HLCS: variants seen among roughly 807,000 people sequenced by gnomAD.
HLCS encodes holocarboxylase synthetase.
HLCS carries 53 observed loss-of-function variants against 75.0 expected under a neutral mutation model. The ratio of observed to expected loss-of-function variants is 0.71; its 90% CI spans 0.57 to 0.89. The LOEUF (loss-of-function observed/expected upper bound fraction) is 0.89, where lower values mean the gene tolerates loss of function less well. Among genes scored for constraint, HLCS ranks in the 40% least tolerant of loss-of-function variants. HLCS has a pLI of 0.00. For missense variants in HLCS, 966 were observed against 1,074.0 expected (o/e 0.90, Z 1.41); for synonymous variants, 431 against 428.6 (o/e 1.01, Z -0.07).
chr21:36,841,950 A>G (rs1174916053), intron 6 of HLCS, among the ~76,000 whole-genome samples: 5 of 152,222 alleles, frequency 3.3e-5, no homozygotes, highest in Non-Finnish European at 7.3e-5. Context: ...TGACATATGC[A>G]TACCTCACAA....
chr21:36,784,583 T>G lies in HLCS; in HGVS notation c.1893-17298A>C, dbSNP rs192371566. ...CACCCACCTCAGCTTCCGAAAGTGCTAGGATTACAGGCGTGAGCCACCATG... is the reference window on the plus strand; with the variant it reads ...CACCCACCTCAGCTTCCGAAAGTGCGAGGATTACAGGCGTGAGCCACCATG... On this transcript the variant is annotated intron_variant, in intron 6 of 10. Coordinates refer to ENST00000674895, the MANE Select transcript of HLCS (RefSeq NM_001352514.2). Among the ~76,000 whole-genome samples, 224 of 152,254 alleles carry G rather than the reference T, an allele frequency of 1.5e-3. 1 individual carries two copies. The highest frequency in any genetic ancestry group is 2.5e-3 in the Non-Finnish European group (168 of 68,024).
chr21:36,898,772 C>T (rs1247959658), intron 5 of HLCS, among the ~76,000 whole-genome samples: 2 of 152,020 alleles, frequency 1.3e-5, no homozygotes, highest in East Asian at 3.9e-4. Flanking sequence ...GACAAGGGTA[C>T]TGTGGGGGCC....
chr21:36,937,540 C>G, intron 3 of HLCS, 148 bp from the exon 4 acceptor site: 2 of 752,942 alleles, frequency 2.7e-6, no homozygotes, highest in African/African-American at 1.7e-5. Context: ...CTGCATCCCC[C>G]CTCAACTCGG....
At chr21:36,908,196 G>C (rs1229661630) in intron 5 of HLCS, among the ~76,000 whole-genome samples, 1 of 152,016 alleles carries the variant, frequency 6.6e-6, no homozygotes. Flanking sequence ...ACCAGCCTAA[G>C]CAACACAGTG....
At chr21:36,918,546 G>A (rs190347375) in intron 5 of HLCS, among the ~76,000 whole-genome samples, 1 of 152,260 alleles carries the variant, frequency 6.6e-6, no homozygotes, top group East Asian at 1.9e-4. Context: ...TGGGTCAAAG[G>A]CTAAACATCA....
chr21:36,802,055 A>T (rs2061220875), intron 6 of HLCS, among the ~76,000 whole-genome samples: 1 of 152,220 alleles, frequency 6.6e-6, no homozygotes, highest in South Asian at 2.1e-4. Flanking sequence ...ATACACTAAC[A>T]GTAGCAAATA....
chr21:36,964,157 G>A (rs1555972770), intron 1 of HLCS, among the ~76,000 whole-genome samples: 1 of 152,046 alleles, frequency 6.6e-6, no homozygotes, highest in Non-Finnish European at 1.5e-5. Flanking sequence ...CCTGGGAGGT[G>A]GAGATTGCAG....
intron 4 of HLCS, 143 bp from the exon 5 acceptor site, chr21:36,930,576 C>T: frequency 1.4e-6 from 1 of 718,920 alleles, no homozygotes; most frequent in Non-Finnish European, 2.3e-6. Context: ...AACTCCTGGG[C>T]TCAAACGATC....
At chr21:36,854,691 T>G (rs1158790282) in intron 6 of HLCS, among the ~76,000 whole-genome samples, 1 of 152,154 alleles carries the variant, frequency 6.6e-6, no homozygotes, top group East Asian at 1.9e-4. Flanking sequence ...TTTTTCTGGT[T>G]GTCATAATGA....
intron 2 of HLCS, chr21:36,947,986 G>A (rs1389811860): frequency 2.0e-6 from 2 of 985,266 alleles, no homozygotes; most frequent in Non-Finnish European, 2.4e-6. Context: ...TGGAAACGCA[G>A]AGGTAAAGAA....
chr21:36,848,909 A>C (rs901530286), intron 6 of HLCS, among the ~76,000 whole-genome samples: 1 of 152,220 alleles, frequency 6.6e-6, no homozygotes, highest in African/African-American at 2.4e-5. Flanking sequence ...AAGGCTTCTA[A>C]AAATAACATT....
intron 6 of HLCS, among the ~76,000 whole-genome samples, chr21:36,893,456 T>C (rs1316228919): frequency 1.3e-5 from 2 of 152,078 alleles, no homozygotes; most frequent in Admixed American, 6.5e-5. Flanking sequence ...TACACACTGG[T>C]ATAATACTAG....
intron 6 of HLCS, among the ~76,000 whole-genome samples, chr21:36,822,142 C>T (rs191643406): frequency 3.3e-5 from 5 of 152,298 alleles, no homozygotes; most frequent in South Asian, 2.1e-4. Flanking sequence ...CACTCCTCGG[C>T]GAGGTGCAGT....
intron 8 of HLCS, among the ~76,000 whole-genome samples, chr21:36,763,488 C>T (rs2835453): frequency 0.11 from 16,914 of 152,134 alleles, 1,709 homozygotes; most frequent in African/African-American, 0.27. Context: ...GAAACAGAGA[C>T]GTCAGCATTA....
At chr21:36,784,373 C>G (rs538743450) in intron 6 of HLCS, among the ~76,000 whole-genome samples, 1 of 148,626 alleles carries the variant, frequency 6.7e-6, no homozygotes, top group Non-Finnish European at 1.5e-5. Context: ...TGGAGTGCAG[C>G]GGCACTATCT....
intron 2 of HLCS, chr21:36,944,095 C>A (rs1169341789): frequency 2.0e-5 from 3 of 152,176 alleles, no homozygotes; most frequent in Non-Finnish European, 4.4e-5. Context: ...CATTTTAATT[C>A]TTTTGGTTCC....
intron 6 of HLCS, among the ~76,000 whole-genome samples, chr21:36,847,537 T>C (rs915179589): frequency 1.3e-5 from 2 of 151,906 alleles, no homozygotes; most frequent in African/African-American, 4.9e-5. Context: ...ATATCTAAGG[T>C]ACTGTCAATT....
rs1455903146 is a variant in HLCS at position 36,753,463 on chromosome 21, C to T, written c.*783G>A. On this transcript the variant is annotated 3_prime_UTR_variant, in exon 11 of 11. Transcript: ENST00000674895. The surrounding 1 kb of genome is among the most constrained non-coding windows in gnomAD (Gnocchi z 4.3). The stretch of plus-strand genomic sequence containing the variant: ...GCCCACCTCCTCATCCAAGTGATGC[C>T]TAATCAGACATTTAAGGATTCTGAA... 6.6e-6 allele frequency: 1 copy of T among 152,216 alleles called. No individual in the cohort carries two copies. Among genetic ancestry groups the T allele is most frequent in the Admixed American group, 6.5e-5 (1 of 15,286 alleles). The allele number at this position is 152,216 out of a possible 1,614,324, so 9.4% of individuals were successfully genotyped here.
chr21:36,792,577 T>C (rs1005413006), intron 6 of HLCS, among the ~76,000 whole-genome samples: 3 of 152,148 alleles, frequency 2.0e-5, no homozygotes, highest in African/African-American at 4.8e-5. Flanking sequence ...CTGCTACTTA[T>C]GATTTCATTT....
Sources: gnomAD v4.1 joint callset for allele counts (sites outside exome capture counted in the v4.1 genomes callset) on GRCh38, gnomAD v4.1.1 for gene constraint, Gnocchi (gnomAD v3.1) non-coding constraint, MANE v1.5 for transcripts, NCBI Gene and HGNC (gene_info 2026-07-23, HGNC 2026-07-21) for gene names.